The following CRISP1 variants were observed in gnomAD, a reference collection of about 807,000 sequenced individuals.
CRISP1 encodes the protein cysteine-rich secretory protein 1.
In CRISP1, 44 loss-of-function variants were observed where a neutral mutation model predicts 33.1. The ratio of observed to expected loss-of-function variants is 1.33; its 90% CI spans 1.05 to 1.71. The LOEUF is 1.71. Ranked by LOEUF, CRISP1 falls within the 40% of genes most tolerant of loss-of-function variation. The probability of loss-of-function intolerance (pLI) is 0.00; values close to 1 mark genes in which losing one functional copy is unlikely to be tolerated. For synonymous variants in CRISP1, 103 were observed against 98.7 expected, an observed-to-expected ratio of 1.04 and a Z score of -0.26; for missense variants, 390 against 301.2, an observed-to-expected ratio of 1.29 and a Z score of -2.18.
At chr6:49,845,138 A>G (rs1771118941) in intron 5 of CRISP1, among the ~76,000 whole-genome samples, 1 of 152,256 alleles carries the variant, frequency 6.6e-6, no homozygotes, top group East Asian at 1.9e-4. Flanking sequence ...CTGTATCTGA[A>G]AATAGAGTTT....
At chr6:49,855,996 T>C (rs1341230640) in intron 2 of CRISP1, among the ~76,000 whole-genome samples, 1 of 152,234 alleles carries the variant, frequency 6.6e-6, no homozygotes, top group Non-Finnish European at 1.5e-5. Flanking sequence ...GACCAAACTA[T>C]CTATAAAATG....
chr6:49,850,988 A>G (rs1771329592), intron 3 of CRISP1, among the ~76,000 whole-genome samples: 1 of 152,176 alleles, frequency 6.6e-6, no homozygotes, highest in Non-Finnish European at 1.5e-5. Context: ...ATGTAAAATG[A>G]AGACAATTTT....
In CRISP1 at chr6:49,834,571, T is replaced by C. The variant is rs1441807294; in HGVS notation, c.*745A>G. ...ATTTATGCTCATCTGGCAATAATAA[T>C]ATGTGACCTATATGTCTTTAGGGAC... is the stretch of plus-strand genomic sequence containing the variant. On this transcript the variant is annotated 3_prime_UTR_variant, in exon 8 of 8. Coordinates refer to ENST00000335847, the MANE Select transcript of CRISP1 (RefSeq NM_001131.3). The C allele has an allele frequency of 6.6e-6, 1 of 152,182 alleles. No individual in the cohort carries two copies. The highest frequency in any genetic ancestry group is 1.5e-5 in the Non-Finnish European group (1 of 68,012). 9.4% of individuals were successfully genotyped at this position (152,182 alleles called of 1,614,324 possible). A position where few individuals can be genotyped will look rare whatever the true frequency, so the allele number is the denominator to read the frequency against.
intron 6 of CRISP1, among the ~76,000 whole-genome samples, chr6:49,839,602 C>T (rs922042845): frequency 6.6e-6 from 1 of 152,092 alleles, no homozygotes; most frequent in African/African-American, 2.4e-5. Context: ...ATCTGAGCTG[C>T]TAAAATTTCA....
intron 6 of CRISP1, 106 bp from the exon 7 acceptor site, chr6:49,838,631 T>C (rs768570754): frequency 6.7e-6 from 5 of 751,742 alleles, no homozygotes; most frequent in Admixed American, 2.9e-5. Flanking sequence ...GTAAACATTC[T>C]TGTAAAGAAC....
chr6:49,872,761 T>A (rs1771954782), intron 1 of CRISP1, among the ~76,000 whole-genome samples: 1 of 152,142 alleles, frequency 6.6e-6, no homozygotes, highest in African/African-American at 2.4e-5. Flanking sequence ...TTGGTCTATA[T>A]CTCTTTTTTG....
At chr6:49,846,834 T>A (rs1367259724) in intron 4 of CRISP1, among the ~76,000 whole-genome samples, 166 bp from the exon 5 acceptor site, 1 of 152,180 alleles carries the variant, frequency 6.6e-6, no homozygotes, top group African/African-American at 2.4e-5. Flanking sequence ...TTCTCATTGA[T>A]GAATGAGCAT....
intron 1 of CRISP1, among the ~76,000 whole-genome samples, chr6:49,873,110 T>G (rs1250900147): frequency 6.6e-6 from 1 of 152,018 alleles, no homozygotes; most frequent in African/African-American, 2.4e-5. Flanking sequence ...ACATGGCACA[T>G]GTGTACATAT....
chr6:49,839,489 T>A (rs557583813), intron 6 of CRISP1, among the ~76,000 whole-genome samples: 61 of 152,028 alleles, frequency 4.0e-4, no homozygotes, highest in Non-Finnish European at 6.6e-4. Flanking sequence ...TTCTTACCCA[T>A]GTATGTCTAA....
At chr6:49,838,778 T>G (rs1052405073) in intron 6 of CRISP1, among the ~76,000 whole-genome samples, 1 of 152,188 alleles carries the variant, frequency 6.6e-6, no homozygotes, top group African/African-American at 2.4e-5. Flanking sequence ...AGTCAAGTCC[T>G]AACAGTACTT....
intron 1 of CRISP1, among the ~76,000 whole-genome samples, chr6:49,866,038 T>G (rs2127478470): frequency 6.6e-6 from 1 of 152,274 alleles, no homozygotes; most frequent in South Asian, 2.1e-4. Flanking sequence ...GACCACTACC[T>G]GTTTGACTAT....
In CRISP1 at chr6:49,844,276, G is replaced by T. The variant is rs532408848; in HGVS notation, c.435+2244C>A. Among the ~76,000 whole-genome samples the T allele has an allele frequency of 2.0e-5, 3 of 152,178 alleles. No individual in the cohort carries two copies. The South Asian group carries it at 6.2e-4, about 31-fold the overall frequency. ...TGATTATGCAGTGGAGGTACTGCCA[G>T]TTTGAACTAAAGTGGACAGAGAAAA... is the stretch of plus-strand genomic sequence containing the variant. On this transcript the variant is annotated intron_variant, in intron 5 of 7. Transcript: ENST00000335847.
chr6:49,846,415 G>T, intron 5 of CRISP1, 105 bp downstream of exon 5: 1 of 1,184,632 alleles, frequency 8.4e-7, no homozygotes, highest in Non-Finnish European at 1.2e-6. Context: ...ATTGAGTAAA[G>T]ATTGCCATAA....
chr6:49,868,842 A>T (rs375245300), upstream of CRISP1, among the ~76,000 whole-genome samples: 224 of 152,292 alleles, frequency 1.5e-3, no homozygotes, highest in Middle Eastern at 6.8e-3. Flanking sequence ...CAGGCCAAAA[A>T]GTACTCTAGA....
intron 5 of CRISP1, among the ~76,000 whole-genome samples, chr6:49,844,563 T>TGAGGCTGCCTCACTGAGCTAAAGGGAA (rs530117526): frequency 0.085 from 12,638 of 148,904 alleles, 937 homozygotes; most frequent in Non-Finnish European, 0.13. Context: ...AGTCATTTGA[T>TGAGGCTGCCTCACTGAGCTAAAGGGAA]GAGGCTGCCT....
At chr6:49,867,235 G>T (rs939715785), upstream of CRISP1, among the ~76,000 whole-genome samples, 2 of 152,046 alleles carry the variant, frequency 1.3e-5, no homozygotes, top group African/African-American at 4.8e-5. Flanking sequence ...CACACAGACA[G>T]AAATCACATA....
At chr6:49,858,559 A>C (rs1771557150) in intron 1 of CRISP1, among the ~76,000 whole-genome samples, 1 of 152,208 alleles carries the variant, frequency 6.6e-6, no homozygotes, top group African/African-American at 2.4e-5. Flanking sequence ...AGAACTCTCT[A>C]AATCAATTCT....
At chr6:49,846,756 G>A (rs913668215) in intron 4 of CRISP1, 88 bp from the exon 5 acceptor site, 1 of 1,252,662 alleles carries the variant, frequency 8.0e-7, no homozygotes, top group Non-Finnish European at 1.1e-6. Flanking sequence ...TTTATGAATG[G>A]TTCACTGATC....
In CRISP1 at chr6:49,839,085, TG is replaced by T. The variant is rs374795863; in HGVS notation, c.534-561del. 4.3e-4 allele frequency among the ~76,000 whole-genome samples: 65 copies of T among 151,974 alleles called. 1 individual carries two copies. The East Asian group carries it at 0.012, about 27-fold the overall frequency. ...ATCAGCATGGATAAAACTAAAGTGC[TG>T]GGGTGTGGGAAAGAAAGTAGATGAG... is the stretch of plus-strand genomic sequence containing the variant. On this transcript the variant is annotated intron_variant, in intron 6 of 7. Coordinates refer to ENST00000335847, the MANE Select transcript of CRISP1 (RefSeq NM_001131.3).
Sources: gnomAD v4.1 joint callset for allele counts (sites outside exome capture counted in the v4.1 genomes callset) on GRCh38, gnomAD v4.1.1 for gene constraint, MANE v1.5 for transcripts, NCBI Gene and HGNC (gene_info 2026-07-23, HGNC 2026-07-21) for gene names.